SGCZ: variants seen among roughly 807,000 people sequenced by gnomAD.
The protein encoded by SGCZ is zeta-sarcoglycan.
In SGCZ, 40 loss-of-function variants were observed where a neutral mutation model predicts 41.3. The observed-to-expected ratio is 0.97, with a 90% CI of 0.75 to 1.26. The LOEUF (loss-of-function observed/expected upper bound fraction) is 1.26, where lower values mean the gene tolerates loss of function less well. SGCZ is among the 50% of genes most tolerant of loss of function. The probability of loss-of-function intolerance (pLI) is 0.00; values close to 1 mark genes in which losing one functional copy is unlikely to be tolerated. For missense variants in SGCZ, 552 were observed against 369.8 expected, an observed-to-expected ratio of 1.49 and a Z score of -4.04; for synonymous variants, 206 against 137.5, an observed-to-expected ratio of 1.50 and a Z score of -3.49.
At chr8:14,477,501 T>A (rs1801394892) in intron 2 of SGCZ, among the ~76,000 whole-genome samples, 1 of 152,244 alleles carries the variant, frequency 6.6e-6, no homozygotes, top group South Asian at 2.1e-4. Flanking sequence ...AATACCACAA[T>A]TGTCTTATTT....
At chr8:14,118,915 G>T (rs1802606096) in intron 5 of SGCZ, among the ~76,000 whole-genome samples, 1 of 152,102 alleles carries the variant, frequency 6.6e-6, no homozygotes, top group South Asian at 2.1e-4. Flanking sequence ...CGTTGCATTG[G>T]TCTACATATC....
intron 1 of SGCZ, among the ~76,000 whole-genome samples, chr8:15,140,054 AC>A (rs1269567687): frequency 6.6e-6 from 1 of 151,926 alleles, no homozygotes; most frequent in Non-Finnish European, 1.5e-5. Flanking sequence ...AGGGTCTCAC[AC>A]TGTTGCCCAG....
chr8:15,182,234 T>C lies in SGCZ; in HGVS notation c.39+55351A>G, dbSNP rs915801373. On this transcript the variant is annotated intron_variant, in intron 1 of 7. Coordinates refer to ENST00000382080, the MANE Select transcript of SGCZ (RefSeq NM_139167.4). ...ATTCTTAGGTTAACTGACCAAAAAA[T>C]ACAACAAACCTAGATTATCAAACTA... Among the ~76,000 whole-genome samples the C allele has an allele frequency of 1.5e-4, 23 of 152,108 alleles. 1 individual carries two copies. Among genetic ancestry groups the C allele is most frequent in the African/African-American group, 5.3e-4 (22 of 41,428 alleles).
At chr8:14,606,376 G>C (rs536551816) in intron 1 of SGCZ, among the ~76,000 whole-genome samples, 4 of 152,254 alleles carry the variant, frequency 2.6e-5, no homozygotes, top group African/African-American at 7.2e-5. Flanking sequence ...CAATGGCTTT[G>C]TAATTAGTTC....
chr8:14,993,490 A>G (rs932084233), intron 1 of SGCZ, among the ~76,000 whole-genome samples: 1 of 152,208 alleles, frequency 6.6e-6, no homozygotes, highest in Non-Finnish European at 1.5e-5. Flanking sequence ...ATCATTTCAG[A>G]AGATGATGAG....
At chr8:14,328,845 C>G (rs572881639) in intron 2 of SGCZ, among the ~76,000 whole-genome samples, 3 of 152,094 alleles carry the variant, frequency 2.0e-5, no homozygotes, top group African/African-American at 7.2e-5. Flanking sequence ...GAACTAAGGC[C>G]CTTATAAAAG....
intron 1 of SGCZ, among the ~76,000 whole-genome samples, chr8:14,668,008 G>C (rs1807971483): frequency 6.6e-6 from 1 of 152,104 alleles, no homozygotes; most frequent in Non-Finnish European, 1.5e-5. Flanking sequence ...CCAGGCTGTA[G>C]TGCAGTGGCA....
chr8:15,208,768 C>T (rs1002764352), intron 1 of SGCZ, among the ~76,000 whole-genome samples: 3 of 151,964 alleles, frequency 2.0e-5, no homozygotes, highest in Non-Finnish European at 4.4e-5. Flanking sequence ...CCTCAGTTGG[C>T]TCACAAACTG....
chr8:14,946,675 ATT>A (rs5889556), intron 1 of SGCZ, among the ~76,000 whole-genome samples: 314 of 132,182 alleles, frequency 2.4e-3, no homozygotes, highest in African/African-American at 7.3e-3. Flanking sequence ...AGAAATCTGT[ATT>A]TTTTTTTTTT....
At chr8:14,558,552 G>A (rs922811046) in intron 1 of SGCZ, among the ~76,000 whole-genome samples, 2 of 146,730 alleles carry the variant, frequency 1.4e-5, no homozygotes, top group South Asian at 2.2e-4. Context: ...TTCAGCCTGG[G>A]TGACAGAATG....
intron 1 of SGCZ, among the ~76,000 whole-genome samples, chr8:14,608,874 T>A (rs1302978761): frequency 6.6e-6 from 1 of 152,146 alleles, no homozygotes. Flanking sequence ...AGGTCCAACT[T>A]TTTCTAAGAT....
chr8:15,211,274 T>C (rs1321080128), intron 1 of SGCZ, among the ~76,000 whole-genome samples: 2 of 83,324 alleles, frequency 2.4e-5, no homozygotes, highest in South Asian at 5.0e-4. Context: ...CAGACACTAC[T>C]GGTTGCCTAA....
chr8:14,487,870 C>G (rs974462016), intron 2 of SGCZ: 2 of 149,614 alleles, frequency 1.3e-5, no homozygotes, highest in African/African-American at 2.5e-5. Context: ...CATGTACAAC[C>G]GAAGTGAGCG....
intron 1 of SGCZ, among the ~76,000 whole-genome samples, chr8:15,164,452 G>A (rs540638891): frequency 6.5e-4 from 99 of 152,210 alleles, no homozygotes; most frequent in Non-Finnish European, 7.6e-4. Context: ...GCCACTGGCA[G>A]TCCCCGCCAC....
intron 1 of SGCZ, among the ~76,000 whole-genome samples, chr8:14,921,113 G>C (rs1018048932): frequency 2.0e-5 from 3 of 152,178 alleles, no homozygotes; most frequent in Non-Finnish European, 2.9e-5. Flanking sequence ...TTGCAGTGGA[G>C]TGGTTGAGGA....
chr8:14,395,623 T>G (rs375337618), intron 2 of SGCZ, among the ~76,000 whole-genome samples: 10 of 152,258 alleles, frequency 6.6e-5, no homozygotes, highest in East Asian at 3.9e-4. Flanking sequence ...ATACAGCCAG[T>G]CAGAAGTGAC....
intron 1 of SGCZ, chr8:14,879,131 C>A (rs1314033640): frequency 6.6e-6 from 1 of 151,992 alleles, no homozygotes; most frequent in Non-Finnish European, 1.5e-5. Context: ...TTAAGACCAG[C>A]CTGAGTAACA....
chr8:14,628,020 A>G (rs1806519963), intron 1 of SGCZ, among the ~76,000 whole-genome samples: 1 of 152,124 alleles, frequency 6.6e-6, no homozygotes, highest in Non-Finnish European at 1.5e-5. Flanking sequence ...TATCCCTATT[A>G]TATTCCCAGT....
intron 1 of SGCZ, among the ~76,000 whole-genome samples, chr8:14,594,723 G>A (rs1411257402): frequency 6.6e-6 from 1 of 151,814 alleles, no homozygotes; most frequent in Non-Finnish European, 1.5e-5. Context: ...CTGTGCGTTG[G>A]GGGTGTCTTG....
Sources: gnomAD v4.1 joint callset for allele counts (sites outside exome capture counted in the v4.1 genomes callset) on GRCh38, gnomAD v4.1.1 for gene constraint, MANE v1.5 for transcripts, NCBI Gene and HGNC (gene_info 2026-07-23, HGNC 2026-07-21) for gene names.